PDE4D: variants seen among roughly 807,000 people sequenced by gnomAD.
The protein encoded by PDE4D is 3',5'-cyclic-AMP phosphodiesterase 4D.
Under a neutral mutation model 87.4 loss-of-function variants are expected in PDE4D, and 24 were observed. The ratio of observed to expected loss-of-function variants is 0.27; its 90% CI spans 0.20 to 0.39. The LOEUF is 0.39. Among genes scored for constraint, PDE4D ranks in the 10% least tolerant of loss-of-function variants. The pLI is 1.00. For synonymous variants in PDE4D, 384 were observed against 383.2 expected, an observed-to-expected ratio of 1.00 and a Z score of -0.02; for missense variants, 714 against 1,041.0, an observed-to-expected ratio of 0.69 and a Z score of 4.32.
intron 1 of PDE4D, among the ~76,000 whole-genome samples, chr5:59,234,585 T>A (rs1483750929): frequency 6.6e-6 from 1 of 152,182 alleles, no homozygotes; most frequent in East Asian, 1.9e-4. Context: ...ACCATGACAG[T>A]GGAAATATGT....
At chr5:59,952,271 T>C (rs1168482415) in intron 3 of PDE4D, among the ~76,000 whole-genome samples, 1 of 152,128 alleles carries the variant, frequency 6.6e-6, no homozygotes, top group East Asian at 1.9e-4. Flanking sequence ...CTCTTTTCTT[T>C]ATAAATTACC....
In PDE4D at chr5:59,933,793, A is replaced by ATATATAT. The variant is rs1343398649; in HGVS notation, c.272+54694_272+54695insATATATA. ...GGAGATATATATATATATATATATTAATAAGCATTCATATAAAAGATAATA... is the reference window on the plus strand; with the variant it reads ...GGAGATATATATATATATATATATTATATATATATAAGCATTCATATAAAAGATAATA... On this transcript the variant is annotated intron_variant, in intron 3 of 16. Transcript: ENST00000502484. Among the ~76,000 whole-genome samples the ATATATAT allele has an allele frequency of 3.1e-3, 109 of 35,622 alleles. 1 individual carries two copies. The highest frequency in any genetic ancestry group is 0.016 in the African/African-American group (99 of 6,368). The allele number at this position is 35,622 out of a possible 152,430, so 23.4% of individuals were successfully genotyped here.
chr5:59,866,062 T>G (rs1443195599), intron 1 of PDE4D, among the ~76,000 whole-genome samples: 3 of 152,228 alleles, frequency 2.0e-5, no homozygotes, highest in African/African-American at 7.2e-5. Context: ...AGTATATGAG[T>G]AAGAAAGCTT....
chr5:59,657,405 A>G (rs1322850001), intron 1 of PDE4D, among the ~76,000 whole-genome samples: 5 of 152,140 alleles, frequency 3.3e-5, no homozygotes, highest in Admixed American at 6.6e-5. Flanking sequence ...TTCATCACCA[A>G]TAAATTAAGG....
intron 1 of PDE4D, among the ~76,000 whole-genome samples, chr5:60,430,549 GT>G (rs34406756): frequency 3.9e-4 from 52 of 131,984 alleles, no homozygotes; most frequent in South Asian, 7.0e-4. Flanking sequence ...TTTTTTGTTT[GT>G]TTTTTTTTTT....
intron 1 of PDE4D, among the ~76,000 whole-genome samples, chr5:59,533,032 A>T (rs1814512929): frequency 6.6e-6 from 1 of 152,246 alleles, no homozygotes; most frequent in African/African-American, 2.4e-5. Flanking sequence ...GTGGTGCAGA[A>T]GAAAGGCCCT....
intron 1 of PDE4D, among the ~76,000 whole-genome samples, chr5:59,729,801 C>A (rs1757120098): frequency 6.6e-6 from 1 of 151,960 alleles, no homozygotes; most frequent in African/African-American, 2.4e-5. Context: ...ATTCTAGTTA[C>A]AAATTAATTA....
intron 5 of PDE4D, among the ~76,000 whole-genome samples, chr5:59,065,123 C>G (rs1262374345): frequency 7.3e-6 from 1 of 136,324 alleles, no homozygotes; most frequent in African/African-American, 2.9e-5. Context: ...CACACACACA[C>G]ATATACAATG....
At chr5:59,130,488 C>T (rs1039808839) in intron 5 of PDE4D, among the ~76,000 whole-genome samples, 3 of 152,184 alleles carry the variant, frequency 2.0e-5, no homozygotes, top group African/African-American at 7.2e-5. Flanking sequence ...AATAAAAATG[C>T]TTTCTCCTTT....
chr5:59,361,807 A>G (rs1221556681), intron 1 of PDE4D, among the ~76,000 whole-genome samples: 1 of 152,228 alleles, frequency 6.6e-6, no homozygotes, highest in Non-Finnish European at 1.5e-5. Flanking sequence ...TGGACAAACC[A>G]ATATTTTCAG....
chr5:59,424,635 C>A (rs573922867), intron 1 of PDE4D, among the ~76,000 whole-genome samples: 4 of 152,246 alleles, frequency 2.6e-5, no homozygotes, highest in African/African-American at 9.6e-5. Flanking sequence ...TCAGAGTACT[C>A]ACTCACTATC....
intron 1 of PDE4D, among the ~76,000 whole-genome samples, chr5:59,299,245 G>A (rs1006910844): frequency 6.6e-5 from 10 of 152,124 alleles, no homozygotes; most frequent in African/African-American, 1.7e-4. Context: ...AATGACCCCC[G>A]GAAGCAGGTG....
At chr5:60,482,798 C>T (rs1748835295) in intron 1 of PDE4D, among the ~76,000 whole-genome samples, 1 of 152,216 alleles carries the variant, frequency 6.6e-6, no homozygotes, top group African/African-American at 2.4e-5. Flanking sequence ...CAACTTTATT[C>T]CTTTCTTGTT....
At chr5:60,465,777 C>G (rs536039858) in intron 1 of PDE4D, among the ~76,000 whole-genome samples, 1 of 152,060 alleles carries the variant, frequency 6.6e-6, no homozygotes, top group Non-Finnish European at 1.5e-5. Flanking sequence ...TAAACATGCT[C>G]CAAACTCACA....
At chr5:59,909,467 C>T (rs563044798) in intron 3 of PDE4D, among the ~76,000 whole-genome samples, 2 of 151,980 alleles carry the variant, frequency 1.3e-5, no homozygotes, top group Non-Finnish European at 2.9e-5. Flanking sequence ...GCAATCATGG[C>T]TCACTGCAGC....
intron 5 of PDE4D, among the ~76,000 whole-genome samples, chr5:59,064,486 T>C (rs1763597197): frequency 6.6e-6 from 1 of 152,064 alleles, no homozygotes; most frequent in African/African-American, 2.4e-5. Flanking sequence ...CCTGCCAAAG[T>C]GTGGTTTGCT....
intron 2 of PDE4D, among the ~76,000 whole-genome samples, chr5:59,989,986 A>C (rs1251610265): frequency 6.6e-6 from 1 of 152,196 alleles, no homozygotes; most frequent in Non-Finnish European, 1.5e-5. Context: ...TATGATGTGC[A>C]TAGTTCATTA....
chr5:60,024,319 T>G, intron 2 of PDE4D, among the ~76,000 whole-genome samples: 1 of 152,202 alleles, frequency 6.6e-6, no homozygotes, highest in East Asian at 1.9e-4. Flanking sequence ...AAAAGTTCTG[T>G]GTACAGACAT....
At position 60,366,834 on chromosome 5, in the gene PDE4D, C is replaced by T. The variant is rs1583541285; in HGVS notation, c.-90+121108G>A. On this transcript the variant is annotated intron_variant, in intron 1 of 16. Coordinates refer to the PDE4D transcript ENST00000502484. ...AAATAAACATGCACATGAAATTCAACCAGGAGATTTACCTGGCAAGTCAAG... is the reference window on the plus strand; with the variant it reads ...AAATAAACATGCACATGAAATTCAATCAGGAGATTTACCTGGCAAGTCAAG... Among the ~76,000 whole-genome samples the T allele has an allele frequency of 4.6e-5, 7 of 152,212 alleles. No individual in the cohort carries two copies. The South Asian group carries it at 1.5e-3, about 32-fold the overall frequency.
Sources: gnomAD v4.1 joint callset for allele counts (sites outside exome capture counted in the v4.1 genomes callset) on GRCh38, gnomAD v4.1.1 for gene constraint, MANE v1.5 for transcripts, NCBI Gene and HGNC (gene_info 2026-07-23, HGNC 2026-07-21) for gene names.